Variants in RNPS1 observed in about 807,000 individuals in gnomAD.
The protein encoded by RNPS1 is RNA-binding protein with serine-rich domain 1.
For synonymous variants in RNPS1, 147 were observed against 150.0 expected (o/e 0.98, Z 0.15); for missense variants, 300 against 427.6 (o/e 0.70, Z 2.63).
At chr16:2,264,019 C>A in intron 3 of RNPS1, 157 bp downstream of exon 3, 1 of 871,402 alleles carries the variant, frequency 1.1e-6, no homozygotes, top group Non-Finnish European at 1.7e-6. Context: ...CATGAGCCAC[C>A]ACTGCACCTA....
rs534089107 is a variant in RNPS1, at chr16:2,267,561, G to C, written c.-118+494C>G. The C allele has an allele frequency of 1.6e-5, 17 of 1,053,782 alleles. No homozygotes were observed. In the East Asian group the frequency reaches 9.6e-4, roughly 60 times the overall value. 65.3% of individuals were successfully genotyped at this position (1,053,782 alleles called of 1,614,324 possible). On this transcript the variant is annotated intron_variant, in intron 1 of 7. Coordinates refer to ENST00000320225, the MANE Select transcript of RNPS1 (RefSeq NM_080594.4). ...ACGTTTGAATTAATGACTCCGAAGG[G>C]GGGATCGGCCGACCTTCCACCGCAT...
rs1051594313 is a variant in RNPS1, at chr16:2,267,595, G to A, written c.-118+460C>T. The stretch of plus-strand genomic sequence containing the variant: ...CCGACCTTCCACCGCATCCCACAAA[G>A]AAACTCCGCGCCCGCCGACACCGGC... On this transcript the variant is annotated intron_variant, in intron 1 of 7. Transcript: ENST00000320225. The A allele has an allele frequency of 9.9e-5, 106 of 1,071,092 alleles. No individual in the cohort carries two copies. The Middle Eastern group carries it at 1.3e-3, about 13-fold the overall frequency. The allele number at this position is 1,071,092 out of a possible 1,614,324, so 66.3% of individuals were successfully genotyped here.
chr16:2,261,167 C>G lies in RNPS1; in HGVS notation c.676+1111G>C, dbSNP rs373464378. 5.9e-5 allele frequency among the ~76,000 whole-genome samples: 9 copies of G among 152,166 alleles called. No homozygotes were observed. In the East Asian group the frequency reaches 1.7e-3, roughly 29 times the overall value. On this transcript the variant is annotated intron_variant, in intron 6 of 7. Transcript: ENST00000320225. ...AAATTGTTTCAAAAACTATAGTACA[C>G]CCAAATACTGTTCTCAATTTTTTCC...
intron 5 of RNPS1, 123 bp downstream of exon 5, chr16:2,262,617 T>C (rs1465278708): frequency 2.0e-6 from 2 of 993,936 alleles, no homozygotes; most frequent in Non-Finnish European, 3.0e-6. Context: ...AACGAATCAA[T>C]GCTGTACTCA....
intron 1 of RNPS1, chr16:2,266,534 C>T: frequency 1.0e-6 from 1 of 970,880 alleles, no homozygotes; most frequent in Non-Finnish European, 1.2e-6. Context: ...CAGTTCCAAC[C>T]TTATAGTTAC....
At chr16:2,255,973 A>G (rs1183211637) in intron 6 of RNPS1, 3 of 478,518 alleles carry the variant, frequency 6.3e-6, no homozygotes, top group Non-Finnish European at 1.1e-5. Flanking sequence ...AAAAGACAAT[A>G]AATCAGCTGT....
intron 3 of RNPS1, among the ~76,000 whole-genome samples, chr16:2,263,648 T>C (rs183042850): frequency 3.2e-4 from 48 of 152,316 alleles, no homozygotes; most frequent in African/African-American, 1.1e-3. Flanking sequence ...AGACAGGGTC[T>C]GCCACCCAAG....
chr16:2,258,716 ACT>A (rs1377742775), intron 6 of RNPS1: 2 of 151,944 alleles, frequency 1.3e-5, no homozygotes, highest in African/African-American at 2.4e-5. Context: ...ACAGAGCAAG[ACT>A]CTGTCTCAAA....
intron 7 of RNPS1, among the ~76,000 whole-genome samples, chr16:2,255,191 G>A (rs562879961): frequency 3.1e-4 from 47 of 152,280 alleles, no homozygotes; most frequent in African/African-American, 1.1e-3. Flanking sequence ...CACCGGCAAC[G>A]GAAGACCAAA....
intron 1 of RNPS1, chr16:2,265,890 G>A (rs941655970): frequency 6.5e-6 from 1 of 154,636 alleles, no homozygotes; most frequent in Non-Finnish European, 1.4e-5. Flanking sequence ...TTGAAATTGC[G>A]TGAGAGACTG....
At chr16:2,254,908 A>AT (rs1596796670) in intron 7 of RNPS1, among the ~76,000 whole-genome samples, 1 of 148,882 alleles carries the variant, frequency 6.7e-6, no homozygotes, top group Admixed American at 6.7e-5. Flanking sequence ...CGCCCGGCTA[A>AT]TTTTTTTGTA....
At chr16:2,255,478 C>A (rs2093573871) in intron 7 of RNPS1, 107 bp downstream of exon 7, 2 of 1,339,654 alleles carry the variant, frequency 1.5e-6, no homozygotes, top group African/African-American at 2.9e-5. Flanking sequence ...CTCTGCCAGC[C>A]CGCACAGCAG....
intron 6 of RNPS1, chr16:2,257,987 C>T (rs1376560281): frequency 6.6e-6 from 1 of 152,202 alleles, no homozygotes; most frequent in African/African-American, 2.4e-5. Flanking sequence ...GAGATGACTC[C>T]ACATGCCTCA....
At chr16:2,266,524 C>G (rs2093625822) in intron 1 of RNPS1, 28 of 959,860 alleles carry the variant, frequency 2.9e-5, no homozygotes, top group Non-Finnish European at 3.5e-5. Flanking sequence ...GTGACAATTA[C>G]AGTTCCAACC....
At chr16:2,263,434 A>C in intron 3 of RNPS1, 147 bp from the exon 4 acceptor site, 1 of 731,898 alleles carries the variant, frequency 1.4e-6, no homozygotes. Flanking sequence ...GGAAAACATC[A>C]CCCCCCAATC....
At chr16:2,261,289 G>A (rs1398688459) in intron 6 of RNPS1, among the ~76,000 whole-genome samples, 1 of 152,136 alleles carries the variant, frequency 6.6e-6, no homozygotes, top group Non-Finnish European at 1.5e-5. Context: ...GAAGAAAACA[G>A]CAGCAACCTA....
intron 3 of RNPS1, 176 bp downstream of exon 3, chr16:2,264,000 G>A (rs1015035310): frequency 6.9e-5 from 51 of 740,340 alleles, no homozygotes; most frequent in Non-Finnish European, 9.9e-5. Flanking sequence ...AAAGTGCTGG[G>A]ATTATAGGCA....
At position 2,253,860 on chromosome 16, in the gene RNPS1, G is replaced by A. The variant is rs1173568099; in HGVS notation, c.*104C>T. On this transcript the variant is annotated 3_prime_UTR_variant, in exon 8 of 8. Transcript: ENST00000320225. Reference sequence around the variant, plus strand: ...TGCCTGCTGCCTGCAAATCCTGCCAGAGTCAAGGGTTTGCTTTCCTACTGG... The same window carrying A: ...TGCCTGCTGCCTGCAAATCCTGCCAAAGTCAAGGGTTTGCTTTCCTACTGG... 1 of 1,031,446 alleles carries A rather than the reference G, an allele frequency of 9.7e-7. No homozygotes were observed. The highest frequency in any genetic ancestry group is 1.5e-6 in the Non-Finnish European group (1 of 671,820). The allele number at this position is 1,031,446 out of a possible 1,614,324, so 63.9% of individuals were successfully genotyped here. A position where few individuals can be genotyped will look rare whatever the true frequency, so the allele number is the denominator to read the frequency against.
At chr16:2,265,987 T>G in intron 1 of RNPS1, 1 of 388,038 alleles carries the variant, frequency 2.6e-6, no homozygotes, top group Non-Finnish European at 3.5e-6. Flanking sequence ...AAATTACTAA[T>G]TAGTTATGGG....
Sources: gnomAD v4.1 joint callset for allele counts (sites outside exome capture counted in the v4.1 genomes callset) on GRCh38, gnomAD v4.1.1 for gene constraint, MANE v1.5 for transcripts, NCBI Gene and HGNC (gene_info 2026-07-23, HGNC 2026-07-21) for gene names.